ROBO1: variants seen among roughly 807,000 people sequenced by gnomAD.
The protein encoded by ROBO1 is roundabout homolog 1.
ROBO1 carries 149 observed loss-of-function variants against 195.9 expected under a neutral mutation model. The observed-to-expected ratio is 0.76, with a 90% CI of 0.67 to 0.87. The LOEUF is 0.87. Among genes scored for constraint, ROBO1 ranks in the 40% least tolerant of loss-of-function variants. ROBO1 has a pLI of 0.00. For missense variants in ROBO1, 1,933 were observed against 2,068.3 expected (o/e 0.93, Z 1.27); for synonymous variants, 816 against 733.2 (o/e 1.11, Z -1.82).
At chr3:79,740,128 G>A (rs1326541381) in intron 1 of ROBO1, among the ~76,000 whole-genome samples, 1 of 149,270 alleles carries the variant, frequency 6.7e-6, no homozygotes, top group African/African-American at 2.4e-5. Context: ...CACTTCAAGA[G>A]ATCCTACTAA....
At chr3:78,981,278 G>A (rs775827833) in intron 3 of ROBO1, among the ~76,000 whole-genome samples, 2 of 152,040 alleles carry the variant, frequency 1.3e-5, no homozygotes, top group Admixed American at 6.6e-5. Flanking sequence ...GACTATGAAT[G>A]TTAAGATCTT....
intron 1 of ROBO1, among the ~76,000 whole-genome samples, chr3:79,649,048 G>T (rs1945920711): frequency 6.6e-6 from 1 of 151,958 alleles, no homozygotes; most frequent in Non-Finnish European, 1.5e-5. Context: ...AACTCTATTT[G>T]ACCCAAATTT....
At chr3:78,609,036 G>A (rs1703632310) in intron 28 of ROBO1, among the ~76,000 whole-genome samples, 1 of 152,108 alleles carries the variant, frequency 6.6e-6, no homozygotes, top group Non-Finnish European at 1.5e-5. Flanking sequence ...GAGATACAGG[G>A]ATTTTGGAAT....
chr3:79,373,890 G>A (rs958303502), intron 2 of ROBO1, among the ~76,000 whole-genome samples: 1 of 152,138 alleles, frequency 6.6e-6, no homozygotes, highest in African/African-American at 2.4e-5. Flanking sequence ...GATCTATAAA[G>A]CAATCAGCTG....
chr3:79,275,957 C>A (rs1361989140), intron 2 of ROBO1, among the ~76,000 whole-genome samples: 1 of 151,600 alleles, frequency 6.6e-6, no homozygotes, highest in Non-Finnish European at 1.5e-5. Context: ...CCATGAAACA[C>A]TGATGCAAGA....
At chr3:79,356,395 T>C (rs1409302352) in intron 2 of ROBO1, among the ~76,000 whole-genome samples, 2 of 152,226 alleles carry the variant, frequency 1.3e-5, no homozygotes, top group Non-Finnish European at 2.9e-5. Context: ...TACACTATTA[T>C]TTCAGAATAA....
At chr3:79,276,152 C>T (rs1215855068) in intron 2 of ROBO1, among the ~76,000 whole-genome samples, 1 of 151,940 alleles carries the variant, frequency 6.6e-6, no homozygotes, top group Admixed American at 6.6e-5. Flanking sequence ...CACAAAAGAA[C>T]CAGAATAGCC....
intron 11 of ROBO1, 57 bp from the exon 12 acceptor site, chr3:78,668,622 A>C (rs1707877902): frequency 1.3e-6 from 2 of 1,525,480 alleles, no homozygotes; most frequent in South Asian, 2.3e-5. Flanking sequence ...ACTGGGCTGG[A>C]AAAGCAATTA....
Position 78,746,883 on chromosome 3 carries a change from T to C in ROBO1, c.517A>G (p.Arg173Gly). ...LEVAILRDDF[R>G]QNPSDVMVAV... ...ACCATGACATCCGAAGGGTTTTGTC[T>C]GAAGTCATCCCGAAGTACTGTAGGA... Residue 173 changes from arginine (R) to glycine (G), a missense_variant, in exon 5 of 31, where the codon AGA becomes GGA. This residue lies in a region of ROBO1 where 1,737 missense variants were observed against 1,882.5 expected (regional missense o/e 0.92). Transcript: ENST00000464233. 6.4e-7 allele frequency: 1 copy of C among 1,572,780 alleles called. No homozygotes were observed.
intron 5 of ROBO1, among the ~76,000 whole-genome samples, chr3:78,732,326 C>T (rs1301595788): frequency 6.6e-6 from 1 of 152,034 alleles, no homozygotes; most frequent in Non-Finnish European, 1.5e-5. Flanking sequence ...TTGAAGTTCC[C>T]CCTTCCAGCA....
chr3:79,183,625 G>T (rs1036676434), intron 2 of ROBO1, among the ~76,000 whole-genome samples: 1 of 152,248 alleles, frequency 6.6e-6, no homozygotes, highest in African/African-American at 2.4e-5. Flanking sequence ...CTGAATTAAT[G>T]TGTGGTCCTT....
At chr3:78,762,647 C>A (rs1454176192) in intron 4 of ROBO1, among the ~76,000 whole-genome samples, 1 of 151,886 alleles carries the variant, frequency 6.6e-6, no homozygotes, top group Non-Finnish European at 1.5e-5. Context: ...TTGATTCATG[C>A]ATAGCAATTT....
chr3:79,492,427 GAAAAAAA>G (rs57495210), intron 2 of ROBO1, among the ~76,000 whole-genome samples: 2 of 109,544 alleles, frequency 1.8e-5, no homozygotes, highest in Non-Finnish European at 3.6e-5. Context: ...CTCTGTTTCA[GAAAAAAA>G]AAAAAAAAAA....
intron 2 of ROBO1, among the ~76,000 whole-genome samples, chr3:79,384,449 G>A (rs982866829): frequency 3.3e-5 from 5 of 151,908 alleles, no homozygotes; most frequent in Non-Finnish European, 7.4e-5. Flanking sequence ...TCTGTTATAT[G>A]TGTATATTAT....
intron 14 of ROBO1, 143 bp downstream of exon 14, chr3:78,667,740 T>C: frequency 1.4e-6 from 1 of 729,834 alleles, no homozygotes; most frequent in East Asian, 2.8e-5. Context: ...GTTTGTATAT[T>C]AAAAATTAAT....
intron 2 of ROBO1, among the ~76,000 whole-genome samples, chr3:79,206,685 A>C (rs2081874702): frequency 6.6e-6 from 1 of 152,130 alleles, no homozygotes; most frequent in Non-Finnish European, 1.5e-5. Flanking sequence ...AAAATTTTAA[A>C]ATATATCACT....
chr3:79,531,927 A>G (rs1941678376), intron 2 of ROBO1, among the ~76,000 whole-genome samples: 2 of 152,222 alleles, frequency 1.3e-5, no homozygotes, highest in African/African-American at 4.8e-5. Context: ...TTGTAGAGAT[A>G]GTAGGAACAG....
intron 1 of ROBO1, among the ~76,000 whole-genome samples, chr3:79,637,513 A>G (rs1167277542): frequency 6.6e-6 from 1 of 152,108 alleles, no homozygotes. Context: ...TTAATATGCA[A>G]TATTATAAAA....
At chr3:79,676,123 G>T (rs75604352) in intron 1 of ROBO1, among the ~76,000 whole-genome samples, 7 of 152,030 alleles carry the variant, frequency 4.6e-5, no homozygotes, top group East Asian at 1.9e-4. Context: ...GGGAGGAAAA[G>T]ATATTACTTT....
Sources: allele counts gnomAD v4.1 joint callset (sites outside exome capture counted in the v4.1 genomes callset), GRCh38; gene constraint gnomAD v4.1.1; regional missense constraint gnomAD v4.1.1; transcripts MANE v1.5; gene names NCBI Gene and HGNC (gene_info 2026-07-23, HGNC 2026-07-21).